Variants in PRKN observed in about 807,000 individuals in gnomAD.
The protein encoded by PRKN is E3 ubiquitin-protein ligase parkin.
Under a neutral mutation model 59.5 loss-of-function variants are expected in PRKN, and 56 were observed. The observed-to-expected ratio is 0.94, with a 90% CI of 0.76 to 1.18. The LOEUF is 1.18. Ranked by LOEUF, PRKN falls within the 50% of genes most tolerant of loss-of-function variation. The pLI, the probability that PRKN is intolerant of heterozygous loss-of-function variation, is 0.00. For synonymous variants in PRKN, 250 were observed against 222.1 expected, an observed-to-expected ratio of 1.13 and a Z score of -1.12; for missense variants, 657 against 596.4, an observed-to-expected ratio of 1.10 and a Z score of -1.06.
At chr6:161,869,813 G>C (rs1183817154) in intron 6 of PRKN, among the ~76,000 whole-genome samples, 1 of 152,098 alleles carries the variant, frequency 6.6e-6, no homozygotes, top group African/African-American at 2.4e-5. Flanking sequence ...CCACATACAG[G>C]AGACCCAAAA....
intron 2 of PRKN, among the ~76,000 whole-genome samples, chr6:162,341,217 A>T (rs1784162515): frequency 6.6e-6 from 1 of 152,190 alleles, no homozygotes; most frequent in Non-Finnish European, 1.5e-5. Flanking sequence ...ATACCATCTC[A>T]TGCCAGTTAG....
intron 1 of PRKN, among the ~76,000 whole-genome samples, chr6:162,707,501 T>C (rs1034111505): frequency 1.4e-4 from 22 of 152,134 alleles, no homozygotes; most frequent in Non-Finnish European, 2.6e-4. Context: ...AATAGTTGCC[T>C]GGTTATCTTT....
At chr6:161,585,225 C>T (rs890323742) in intron 7 of PRKN, among the ~76,000 whole-genome samples, 1 of 152,184 alleles carries the variant, frequency 6.6e-6, no homozygotes, top group African/African-American at 2.4e-5. Context: ...TCAGAGAAAA[C>T]ACAATCTATG....
At chr6:162,367,855 A>G (rs1478739753) in intron 2 of PRKN, among the ~76,000 whole-genome samples, 1 of 152,174 alleles carries the variant, frequency 6.6e-6, no homozygotes, top group Non-Finnish European at 1.5e-5. Flanking sequence ...GGACTCAGGA[A>G]ACTCAAGAAA....
At chr6:161,944,006 GCA>G (rs1779677789) in intron 6 of PRKN, among the ~76,000 whole-genome samples, 1 of 137,836 alleles carries the variant, frequency 7.3e-6, no homozygotes, top group African/African-American at 2.9e-5. Flanking sequence ...GCCTGAGGAA[GCA>G]GCCTGAGGGA....
At chr6:162,315,546 T>C (rs747694712) in intron 2 of PRKN, among the ~76,000 whole-genome samples, 14 of 152,318 alleles carry the variant, frequency 9.2e-5, no homozygotes, top group Non-Finnish European at 1.3e-4. Context: ...CTGGTTGTCT[T>C]GTGTTTTATC....
At chr6:162,295,250 G>A (rs1781614981) in intron 2 of PRKN, among the ~76,000 whole-genome samples, 1 of 152,162 alleles carries the variant, frequency 6.6e-6, no homozygotes, top group African/African-American at 2.4e-5. Flanking sequence ...TCTTACCAGA[G>A]GAAGATTTAG....
intron 5 of PRKN, among the ~76,000 whole-genome samples, chr6:162,029,750 T>A (rs901540049): frequency 6.6e-6 from 1 of 152,230 alleles, no homozygotes; most frequent in South Asian, 2.1e-4. Flanking sequence ...GTTGTTATCA[T>A]TGGAAGGTGT....
intron 7 of PRKN, among the ~76,000 whole-genome samples, chr6:161,686,990 C>T (rs188782702): frequency 1.2e-4 from 18 of 152,280 alleles, no homozygotes; most frequent in South Asian, 4.1e-4. Context: ...TTCTTCCTTG[C>T]TGTGCACTTT....
chr6:161,588,270 G>A lies in PRKN; in HGVS notation c.872-18854C>T, dbSNP rs563885382. Among the ~76,000 whole-genome samples, 1 of 152,168 alleles carries A rather than the reference G, an allele frequency of 6.6e-6. No homozygotes were observed. Among genetic ancestry groups the A allele is most frequent in the South Asian group, 2.1e-4 (1 of 4,818 alleles). ...GTGGTGGCTCATGCCTATAATCCCA[G>A]CTACCTGGGAGGCTGAGGCAGGAGA... is the stretch of plus-strand genomic sequence containing the variant. On this transcript the variant is annotated intron_variant, in intron 7 of 11. Coordinates refer to ENST00000366898, the MANE Select transcript of PRKN (RefSeq NM_004562.3). The surrounding 1 kb of genome is among the most constrained non-coding windows in gnomAD (Gnocchi z 5.0).
At chr6:161,903,016 C>T (rs777048969) in intron 6 of PRKN, among the ~76,000 whole-genome samples, 2 of 152,190 alleles carry the variant, frequency 1.3e-5, no homozygotes, top group African/African-American at 2.4e-5. Context: ...TGGTTCTCTA[C>T]TTAACAAGTA....
chr6:162,167,940 G>A (rs111311698), intron 4 of PRKN, among the ~76,000 whole-genome samples: 1,944 of 152,066 alleles, frequency 0.013, 35 homozygotes, highest in African/African-American at 0.037. Context: ...ATTAATAACA[G>A]TTTTTCATTT....
intron 1 of PRKN, among the ~76,000 whole-genome samples, chr6:162,555,134 CAA>C (rs1371451720): frequency 6.6e-6 from 1 of 151,540 alleles, no homozygotes; most frequent in Non-Finnish European, 1.5e-5. Flanking sequence ...AAATGACTGG[CAA>C]AAGTCAATAA....
At position 161,379,851 on chromosome 6, in the gene PRKN, C is replaced by T. The variant is rs1053922752; in HGVS notation, c.1167+6943G>A. Among the ~76,000 whole-genome samples, 1 of 152,232 alleles carries T rather than the reference C, an allele frequency of 6.6e-6. No homozygotes were observed. Among genetic ancestry groups the T allele is most frequent in the African/African-American group, 2.4e-5 (1 of 41,466 alleles). Reference sequence around the variant, plus strand: ...ACACAGTCTGCACTCGAATCTCAAGCAGCTCAGGGTTTTCTTCCTGGAAAA... The same window carrying T: ...ACACAGTCTGCACTCGAATCTCAAGTAGCTCAGGGTTTTCTTCCTGGAAAA... On this transcript the variant is annotated intron_variant, in intron 10 of 11. Transcript: ENST00000366898. The surrounding 1 kb of genome is among the most constrained non-coding windows in gnomAD (Gnocchi z 4.9).
At chr6:162,702,785 GAATT>G (rs1778203511) in intron 1 of PRKN, among the ~76,000 whole-genome samples, 5 of 152,098 alleles carry the variant, frequency 3.3e-5, no homozygotes, top group South Asian at 2.1e-4. Flanking sequence ...AATGACAAGA[GAATT>G]AATAGTGCAT....
Position 161,448,293 on chromosome 6 carries a change from G to C in PRKN, c.1084-61416C>G, listed in dbSNP as rs140022702. ...GAATGGCCACTCCCATGCAGCCCTT[G>C]AATGAATTACTTAACTGGATCCTAA... On this transcript the variant is annotated intron_variant, in intron 9 of 11. Transcript: ENST00000366898. The surrounding 1 kb of genome is among the most constrained non-coding windows in gnomAD (Gnocchi z 5.1). 1.6e-3 allele frequency among the ~76,000 whole-genome samples: 244 copies of C among 152,276 alleles called. No homozygotes were observed. The highest frequency in any genetic ancestry group is 5.7e-3 in the African/African-American group (235 of 41,560).
intron 7 of PRKN, among the ~76,000 whole-genome samples, chr6:161,765,558 CCTT>C (rs991268162): frequency 2.0e-5 from 3 of 152,042 alleles, no homozygotes; most frequent in African/African-American, 7.3e-5. Flanking sequence ...GGTAATTACT[CCTT>C]CTATTGATAT....
At chr6:161,682,976 G>A (rs1035121169) in intron 7 of PRKN, among the ~76,000 whole-genome samples, 6 of 152,194 alleles carry the variant, frequency 3.9e-5, no homozygotes, top group Non-Finnish European at 7.3e-5. Context: ...GTAAGATACA[G>A]GTGTTTTCTG....
intron 7 of PRKN, among the ~76,000 whole-genome samples, chr6:161,597,836 G>GCA (rs35750936): frequency 0.61 from 90,781 of 149,984 alleles, 27,577 homozygotes; most frequent in East Asian, 0.71. Context: ...TCCAGCGTGC[G>GCA]CACACACACA....
Sources: gnomAD v4.1 joint callset for allele counts (sites outside exome capture counted in the v4.1 genomes callset) on GRCh38, gnomAD v4.1.1 for gene constraint, Gnocchi (gnomAD v3.1) non-coding constraint, MANE v1.5 for transcripts, NCBI Gene and HGNC (gene_info 2026-07-23, HGNC 2026-07-21) for gene names.